Variants in XIRP2 observed in about 807,000 individuals in gnomAD.
The protein encoded by XIRP2 is xin actin-binding repeat-containing protein 2.
XIRP2 carries 236 observed loss-of-function variants against 277.0 expected under a neutral mutation model. The ratio of observed to expected loss-of-function variants is 0.85; its 90% CI spans 0.77 to 0.95. The LOEUF is 0.95. XIRP2 is among the 40% of genes least tolerant of loss of function. The probability of loss-of-function intolerance (pLI) is 0.00; values close to 1 mark genes in which losing one functional copy is unlikely to be tolerated. For synonymous variants in XIRP2, 1,490 were observed against 1,416.5 expected, an observed-to-expected ratio of 1.05 and a Z score of -1.17; for missense variants, 4,640 against 4,157.5, an observed-to-expected ratio of 1.12 and a Z score of -3.19.
chr2:167,053,614 G>A (rs186873105), intron 2 of XIRP2, among the ~76,000 whole-genome samples: 2 of 152,136 alleles, frequency 1.3e-5, no homozygotes, highest in East Asian at 3.9e-4. Context: ...ATTTTTATAT[G>A]CAATGTAGTA....
chr2:167,006,270 C>G (rs1031409207), intron 2 of XIRP2, among the ~76,000 whole-genome samples: 1 of 151,438 alleles, frequency 6.6e-6, no homozygotes, highest in Non-Finnish European at 1.5e-5. Context: ...TTTTTATCCC[C>G]CCTAGGAGTT....
rs201675738 is a variant in XIRP2 at position 167,192,211 on chromosome 2, A to T, written c.563-18524A>T. ...TTTTAATTCATAGGAACTTAATTGC[A>T]TTGAAATCAATTGTAAATAGATCTC... On this transcript the variant is annotated intron_variant, in intron 3 of 10. Transcript: ENST00000409195. Among the ~76,000 whole-genome samples the T allele has an allele frequency of 7.9e-5, 12 of 152,358 alleles. No individual in the cohort carries two copies. The East Asian group carries it at 2.3e-3, about 29-fold the overall frequency.
At chr2:167,182,116 A>G (rs1298800983) in intron 3 of XIRP2, among the ~76,000 whole-genome samples, 1 of 152,206 alleles carries the variant, frequency 6.6e-6, no homozygotes, top group South Asian at 2.1e-4. Flanking sequence ...GGACAAGTGT[A>G]AATTATACCT....
chr2:166,982,689 T>C (rs1230267493), intron 2 of XIRP2, among the ~76,000 whole-genome samples: 1 of 152,192 alleles, frequency 6.6e-6, no homozygotes. Context: ...TCTATTTTGT[T>C]CTTTTCCACT....
At chr2:167,089,845 CTTCAAATGCAGTTTGGTAGTAGAG>C (rs1302856104) in intron 2 of XIRP2, among the ~76,000 whole-genome samples, 13 of 152,146 alleles carry the variant, frequency 8.5e-5, no homozygotes, top group African/African-American at 3.1e-4. Flanking sequence ...CGTTTTTGCT[CTTCAAATGCAGTTTGGTAGTAGAG>C]ACAGAGGCTT....
chr2:166,986,506 G>T (rs915650873), intron 2 of XIRP2, among the ~76,000 whole-genome samples: 1 of 152,198 alleles, frequency 6.6e-6, no homozygotes, highest in Non-Finnish European at 1.5e-5. Context: ...TTAGGTATAT[G>T]TCAAAAGTGA....
At chr2:167,040,481 C>A (rs965593294) in intron 2 of XIRP2, among the ~76,000 whole-genome samples, 2 of 152,068 alleles carry the variant, frequency 1.3e-5, no homozygotes, top group African/African-American at 4.8e-5. Context: ...GCAGGAGACC[C>A]CACAATGCCC....
At chr2:167,105,689 G>C (rs548656272) in intron 2 of XIRP2, among the ~76,000 whole-genome samples, 1 of 151,850 alleles carries the variant, frequency 6.6e-6, no homozygotes, top group Non-Finnish European at 1.5e-5. Context: ...AGTGCAGTTA[G>C]GGGGAGCGTA....
At chr2:167,047,576 G>A (rs537287147) in intron 2 of XIRP2, among the ~76,000 whole-genome samples, 14 of 152,012 alleles carry the variant, frequency 9.2e-5, no homozygotes, top group African/African-American at 3.1e-4. Context: ...CAGAAATATG[G>A]AGGATAAAAA....
chr2:167,157,024 C>T (rs977020303), intron 3 of XIRP2, among the ~76,000 whole-genome samples: 4 of 152,066 alleles, frequency 2.6e-5, no homozygotes, highest in Non-Finnish European at 5.9e-5. Flanking sequence ...CATCCTTATA[C>T]ATTTTTCCAA....
intron 2 of XIRP2, among the ~76,000 whole-genome samples, chr2:167,000,560 A>G (rs1350955900): frequency 1.3e-5 from 2 of 148,356 alleles, no homozygotes; most frequent in African/African-American, 5.0e-5. Flanking sequence ...AGTGGTATGG[A>G]TTCTTCCAAG....
At chr2:167,017,015 A>G (rs1170752432) in intron 2 of XIRP2, among the ~76,000 whole-genome samples, 1 of 151,980 alleles carries the variant, frequency 6.6e-6, no homozygotes, top group Non-Finnish European at 1.5e-5. Flanking sequence ...GTGTCAGTCA[A>G]CTATACTCTT....
At chr2:167,003,001 C>G (rs1687411716) in intron 2 of XIRP2, among the ~76,000 whole-genome samples, 1 of 151,748 alleles carries the variant, frequency 6.6e-6, no homozygotes, top group Admixed American at 6.6e-5. Context: ...TTACTCAGAA[C>G]CATCATTTCT....
intron 3 of XIRP2, among the ~76,000 whole-genome samples, chr2:167,173,622 T>C (rs1258417693): frequency 6.6e-6 from 1 of 152,198 alleles, no homozygotes; most frequent in African/African-American, 2.4e-5. Flanking sequence ...AATACATTGA[T>C]TTCCCTTTTT....
chr2:166,944,120 C>A (rs1473778532), intron 2 of XIRP2, among the ~76,000 whole-genome samples: 5 of 152,252 alleles, frequency 3.3e-5, no homozygotes, highest in African/African-American at 9.6e-5. Flanking sequence ...CTTTCTAAGC[C>A]AGATGTTTGT....
At chr2:166,930,412 C>T (rs1685300963) in intron 2 of XIRP2, among the ~76,000 whole-genome samples, 1 of 152,048 alleles carries the variant, frequency 6.6e-6, no homozygotes, top group Admixed American at 6.6e-5. Flanking sequence ...TGATAGTATC[C>T]TATTATATCT....
intron 2 of XIRP2, among the ~76,000 whole-genome samples, chr2:167,131,598 C>T (rs1236878489): frequency 2.0e-5 from 3 of 152,172 alleles, no homozygotes. Flanking sequence ...CAAATTAATA[C>T]TTTCAATACA....
chr2:167,167,545 C>G (rs949355608), intron 3 of XIRP2, among the ~76,000 whole-genome samples: 5 of 152,006 alleles, frequency 3.3e-5, no homozygotes, highest in African/African-American at 1.2e-4. Context: ...TATATACTTA[C>G]AACTAATCCA....
chr2:167,008,544 AG>A (rs1412166549), intron 2 of XIRP2, among the ~76,000 whole-genome samples: 1 of 151,698 alleles, frequency 6.6e-6, no homozygotes, highest in African/African-American at 2.4e-5. Context: ...CAGCTATGGA[AG>A]GAAATAAAGT....
Sources: allele counts gnomAD v4.1 joint callset (sites outside exome capture counted in the v4.1 genomes callset), GRCh38; gene constraint gnomAD v4.1.1; transcripts MANE v1.5; gene names NCBI Gene and HGNC (gene_info 2026-07-23, HGNC 2026-07-21).